Variants in ZBTB40 observed in about 807,000 individuals in gnomAD.
ZBTB40 encodes the protein zinc finger and BTB domain-containing protein 40.
Under a neutral mutation model 117.5 loss-of-function variants are expected in ZBTB40, and 60 were observed. That is an observed-to-expected ratio of 0.51 (90% confidence interval 0.41 to 0.63). The LOEUF (loss-of-function observed/expected upper bound fraction) is 0.63, where lower values mean the gene tolerates loss of function less well. ZBTB40 is among the 30% of genes least tolerant of loss of function. The probability of loss-of-function intolerance (pLI) is 0.00; values close to 1 mark genes in which losing one functional copy is unlikely to be tolerated. For missense variants in ZBTB40, 1,287 were observed against 1,498.5 expected (o/e 0.86, Z 2.33); for synonymous variants, 525 against 577.1 (o/e 0.91, Z 1.29).
At chr1:22,519,269 G>A (rs1263176756) in intron 13 of ZBTB40, among the ~76,000 whole-genome samples, 1 of 152,236 alleles carries the variant, frequency 6.6e-6, no homozygotes, top group Non-Finnish European at 1.5e-5. Context: ...CCTGCCATAG[G>A]ATGGCAAATG....
chr1:22,486,120 T>A (rs2124424546), intron 1 of ZBTB40, among the ~76,000 whole-genome samples: 1 of 152,324 alleles, frequency 6.6e-6, no homozygotes, highest in Non-Finnish European at 1.5e-5. Context: ...TTAGTATGCC[T>A]TGTAATTTTT....
intron 1 of ZBTB40, among the ~76,000 whole-genome samples, chr1:22,441,641 C>T (rs140259053): frequency 2.6e-5 from 4 of 151,908 alleles, no homozygotes; most frequent in African/African-American, 4.8e-5. Context: ...AACCACTGCA[C>T]CCGGCTAATT....
chr1:22,512,016 G>A lies in ZBTB40; in HGVS notation c.2343G>A (p.Leu781=). The change falls in exon 11 of 18, where the codon CTG becomes CTA. Residue 781 remains leucine (L), a synonymous_variant. Coordinates refer to ENST00000375647, the MANE Select transcript of ZBTB40 (RefSeq NM_014870.4). ...AGACCAAGGATTCAAAGAAAGAGCT[G>A]GACAAACATCAGCTGGAGGCCCATG... The part of the protein sequence containing the change: ...CSETKDSKKE[L]DKHQLEAHGA... The A allele has an allele frequency of 6.2e-7, 1 of 1,614,178 alleles. No individual in the cohort carries two copies. The highest frequency in any genetic ancestry group is 8.5e-7 in the Non-Finnish European group (1 of 1,180,048).
intron 12 of ZBTB40, among the ~76,000 whole-genome samples, chr1:22,514,381 G>C (rs1414744369): frequency 6.6e-6 from 1 of 152,196 alleles, no homozygotes; most frequent in Non-Finnish European, 1.5e-5. Context: ...GTCCCACTCA[G>C]TTGTGAAATC....
chr1:22,507,927 T>C (rs1213483413), intron 6 of ZBTB40, 74 bp from the exon 7 acceptor site: 23 of 1,608,734 alleles, frequency 1.4e-5, no homozygotes, highest in Non-Finnish European at 1.3e-5. Flanking sequence ...TCCTCTCTCA[T>C]TGGTAATATC....
intron 1 of ZBTB40, among the ~76,000 whole-genome samples, chr1:22,442,188 A>G (rs1489963118): frequency 2.0e-5 from 3 of 152,164 alleles, no homozygotes; most frequent in African/African-American, 7.2e-5. Context: ...TTGGCCTAAC[A>G]TATAATCTAT....
At chr1:22,518,819 T>A (rs2124468381) in intron 13 of ZBTB40, among the ~76,000 whole-genome samples, 1 of 152,346 alleles carries the variant, frequency 6.6e-6, no homozygotes, top group East Asian at 1.9e-4. Flanking sequence ...AGTGCCACAA[T>A]TTTGATGTCC....
At chr1:22,460,928 C>A (rs1210251702) in intron 1 of ZBTB40, among the ~76,000 whole-genome samples, 1 of 152,120 alleles carries the variant, frequency 6.6e-6, no homozygotes, top group African/African-American at 2.4e-5. Context: ...CATCTTTCCC[C>A]CTTTACTGCT....
At chr1:22,505,404 G>T (rs1449912358) in intron 5 of ZBTB40, among the ~76,000 whole-genome samples, 2 of 152,152 alleles carry the variant, frequency 1.3e-5, no homozygotes, top group East Asian at 3.9e-4. Context: ...CACCAAGGAA[G>T]GACAAAGGAG....
intron 5 of ZBTB40, among the ~76,000 whole-genome samples, chr1:22,504,311 A>G (rs1270179678): frequency 6.6e-6 from 1 of 152,214 alleles, no homozygotes; most frequent in Non-Finnish European, 1.5e-5. Flanking sequence ...AACCAGGAAC[A>G]TATTTACATG....
intron 1 of ZBTB40, among the ~76,000 whole-genome samples, chr1:22,457,614 G>C (rs1641034004): frequency 6.6e-6 from 1 of 152,196 alleles, no homozygotes; most frequent in Non-Finnish European, 1.5e-5. Context: ...GGCCAAGAAG[G>C]ATGAGGAAAT....
chr1:22,460,878 G>C (rs760606633), intron 1 of ZBTB40, among the ~76,000 whole-genome samples: 1 of 152,112 alleles, frequency 6.6e-6, no homozygotes. Flanking sequence ...TTCACACCCA[G>C]ATACTTCCTT....
intron 3 of ZBTB40, among the ~76,000 whole-genome samples, chr1:22,498,233 G>T (rs890066163): frequency 6.6e-6 from 1 of 152,190 alleles, no homozygotes; most frequent in South Asian, 2.1e-4. Flanking sequence ...CCAAATGTAT[G>T]GTTAAAGAAC....
rs1639703073 is a variant in ZBTB40 at position 22,527,221 on chromosome 1, T to C, written c.*825T>C. 6.5e-6 allele frequency: 1 copy of C among 152,764 alleles called. No homozygotes were observed. Among genetic ancestry groups the C allele is most frequent in the African/African-American group, 2.4e-5 (1 of 41,454 alleles). 9.5% of individuals were successfully genotyped at this position (152,764 alleles called of 1,614,324 possible). A position where few individuals can be genotyped will look rare whatever the true frequency, so the allele number is the denominator to read the frequency against. The stretch of plus-strand genomic sequence containing the variant: ...CCCTTCCTTTAATCAAAGGCTGAAA[T>C]CTCTGCCTGACCTGGCAGCCTGGCT... On this transcript the variant is annotated 3_prime_UTR_variant, in exon 18 of 18. Transcript: ENST00000375647.
chr1:22,526,621 C>A lies in ZBTB40; in HGVS notation c.*225C>A. ...AGCACCATCCTCTGTAGCAGACAGGCCTCCCTCCCCACAGGCCCGCTGCTG... is the reference window on the plus strand; with the variant it reads ...AGCACCATCCTCTGTAGCAGACAGGACTCCCTCCCCACAGGCCCGCTGCTG... On this transcript the variant is annotated 3_prime_UTR_variant, in exon 18 of 18. Transcript: ENST00000375647. 1.8e-6 allele frequency: 1 copy of A among 565,816 alleles called. No individual in the cohort carries two copies. The highest frequency in any genetic ancestry group is 3.2e-6 in the Non-Finnish European group (1 of 313,622). 35.0% of individuals were successfully genotyped at this position (565,816 alleles called of 1,614,324 possible).
intron 17 of ZBTB40, among the ~76,000 whole-genome samples, chr1:22,525,649 T>C (rs554754286): frequency 6.6e-6 from 1 of 152,364 alleles, no homozygotes; most frequent in African/African-American, 2.4e-5. Context: ...AAGGGGGCAC[T>C]GGCCCCGCCA....
chr1:22,479,054 T>A (rs1003708649), intron 1 of ZBTB40, among the ~76,000 whole-genome samples: 20 of 152,246 alleles, frequency 1.3e-4, no homozygotes, highest in Non-Finnish European at 2.6e-4. Flanking sequence ...GTATGTACTC[T>A]TTTGTTTCTG....
chr1:22,465,349 T>C (rs541729519), intron 1 of ZBTB40, among the ~76,000 whole-genome samples: 2 of 152,232 alleles, frequency 1.3e-5, no homozygotes, highest in East Asian at 3.9e-4. Flanking sequence ...TAGCTAGTCA[T>C]CCCATGTCTA....
chr1:22,474,955 A>C (rs941441148), intron 1 of ZBTB40, among the ~76,000 whole-genome samples: 1 of 151,690 alleles, frequency 6.6e-6, no homozygotes, highest in East Asian at 1.9e-4. Flanking sequence ...AAAAAAAAAA[A>C]AACAGGTAAG....
Sources: allele counts gnomAD v4.1 joint callset (sites outside exome capture counted in the v4.1 genomes callset), GRCh38; gene constraint gnomAD v4.1.1; transcripts MANE v1.5; gene names NCBI Gene and HGNC (gene_info 2026-07-23, HGNC 2026-07-21).